The following SLC10A3 variants were observed in gnomAD, a reference collection of about 807,000 sequenced individuals.
The protein encoded by SLC10A3 is P3 protein.
Under a neutral mutation model 1.9 loss-of-function variants are expected in SLC10A3, and 1 was observed. That is an observed-to-expected ratio of 0.52 (90% CI 0.19 to 2.48). The LOEUF is 2.48. Ranked by LOEUF, SLC10A3 falls within the 30% of genes most tolerant of loss-of-function variation. The probability of loss-of-function intolerance (pLI) is 0.25; values close to 1 mark genes in which losing one functional copy is unlikely to be tolerated. For missense variants in SLC10A3, 317 were observed against 398.5 expected (o/e 0.80, Z 1.74); for synonymous variants, 202 against 189.3 (o/e 1.07, Z -0.55).
intron 1 of SLC10A3, chrX:154,489,548 C>T: frequency 1.3e-6 from 1 of 754,632 alleles, no homozygotes; most frequent in Non-Finnish European, 1.6e-6. Context: ...GGGCTCCTTC[C>T]CATGCCCACA....
At chrX:154,489,331 C>T (rs1295885967) in intron 1 of SLC10A3, 2 of 753,238 alleles carry the variant, frequency 2.7e-6, no homozygotes, top group Non-Finnish European at 1.6e-6. Context: ...ACTCTACCTG[C>T]CCCTACAGTG....
Position 154,488,303 on chromosome X carries a change from A to C in SLC10A3, c.638T>G (p.Leu213Arg). Residue 213 changes from leucine to arginine, a missense_variant, in exon 2 of 2, where the codon CTC (leucine) becomes CGC (arginine). Leu to Arg is a moderately radical substitution (Grantham distance 102). Transcript: ENST00000651600. ...CTGCATGAGCCCCTTCAGAACCTCG[A>C]GTTCCACTTTGCACCCAAACGAACA... ...NKCSFGCKVE[L>R]EVLKGLMQSP... The C allele has an allele frequency of 8.3e-7, 1 of 1,211,448 alleles. No individual in the cohort carries two copies. Among genetic ancestry groups the C allele is most frequent in the Non-Finnish European group, 1.1e-6 (1 of 895,422 alleles).
At chrX:154,489,946 G>A (rs2069362795) in intron 1 of SLC10A3, 2 of 1,072,762 alleles carry the variant, frequency 1.9e-6, no homozygotes, top group East Asian at 7.5e-5. Context: ...ACTTACCCTG[G>A]AGGCCTTGGT....
Position 154,488,761 on chromosome X carries a change from C to T in SLC10A3, c.180G>A (p.Pro60=), listed in dbSNP as rs1432251160. Reference sequence around the variant, plus strand: ...CAATGCTCAAGTAGCGGCCCCCAGTCGGTGGCACGGTGTGACCCCCAGCAG... The same window carrying T: ...CAATGCTCAAGTAGCGGCCCCCAGTTGGTGGCACGGTGTGACCCCCAGCAG... ...LSTAGGHTVP[P]TGGRYLSIGD... The change falls in exon 2 of 2, where the codon CCG becomes CCA. Residue 60 remains proline, a synonymous_variant. Coordinates refer to ENST00000651600, the MANE Select transcript of SLC10A3 (RefSeq NM_019848.5). 6 of 1,209,967 alleles carry T rather than the reference C, an allele frequency of 5.0e-6. No homozygotes were observed. Among genetic ancestry groups the T allele is most frequent in the East Asian group, 5.9e-5 (2 of 33,786 alleles).
chrX:154,489,936 A>C, intron 1 of SLC10A3: 1 of 1,070,159 alleles, frequency 9.3e-7, no homozygotes, highest in Non-Finnish European at 1.2e-6. Context: ...AGTTCGGGTC[A>C]CTTACCCTGG....
rs1557213497 is a variant in SLC10A3, at chrX:154,487,949, G to T, written c.992C>A (p.Ala331Asp). 1 of 1,211,308 alleles carries T rather than the reference G, an allele frequency of 8.3e-7. No individual in the cohort carries two copies. Among genetic ancestry groups the T allele is most frequent in the Non-Finnish European group, 1.1e-6 (1 of 895,242 alleles). ...SKILGTLLFI[A>D]IPIAVGVLIK... The stretch of plus-strand genomic sequence containing the variant: ...CAGCACGCCCACGGCTATGGGGATG[G>T]CAATGAACAGCAGGGTCCCCAGGAT... Residue 331 changes from alanine to aspartate, a missense_variant, in exon 2 of 2, where the codon GCC becomes GAC. Coordinates refer to ENST00000651600, the MANE Select transcript of SLC10A3 (RefSeq NM_019848.5).
Position 154,487,983 on chromosome X carries a change from T to C in SLC10A3, c.958A>G (p.Ile320Val), listed in dbSNP as rs782363021. 2 of 1,211,109 alleles carry C rather than the reference T, an allele frequency of 1.7e-6. No homozygotes were observed. The highest frequency in any genetic ancestry group is 4.3e-5 in the Admixed American group (2 of 46,044). Residue 320 changes from isoleucine (I) to valine (V), a missense_variant, in exon 2 of 2, where the codon ATC becomes GTC. By Grantham distance (29) the Ile-to-Val change is conservative. Coordinates refer to ENST00000651600, the MANE Select transcript of SLC10A3 (RefSeq NM_019848.5). Reference protein sequence around the residue: ...LSIHETLHVPISKILGTLLFI... With the variant: ...LSIHETLHVPVSKILGTLLFI... ...AGCAGGGTCCCCAGGATCTTGGAGA[T>C]GGGCACGTGGAGCGTCTCATGGATG...
rs2069367698 is a variant in SLC10A3, at chrX:154,490,360, T to C, written c.-196A>G. The C allele has an allele frequency of 2.1e-5, 16 of 761,267 alleles. No homozygotes were observed. The highest frequency in any genetic ancestry group is 2.3e-5 in the Non-Finnish European group (15 of 644,342). The allele number at this position is 761,267 out of a possible 1,213,427, so 62.7% of individuals were successfully genotyped here. ...GGCTAGCAGAGCTCGGGCGCGAACC[T>C]GGGAGGGAGGAAAGGAAGGGCACGC... is the stretch of plus-strand genomic sequence containing the variant. On this transcript the variant is annotated 5_prime_UTR_variant, in exon 1 of 2. Transcript: ENST00000651600.
At position 154,489,078 on chromosome X, in the gene SLC10A3, T is replaced by C; in HGVS notation, c.-138A>G. ...GTGCTGTCTTCCTTGATGGCAGGGC[T>C]GTCCCTGAGGAGGTAAGGGACACAG... is the stretch of plus-strand genomic sequence containing the variant. On this transcript the variant is annotated 5_prime_UTR_variant, in exon 2 of 2. Coordinates refer to ENST00000651600, the MANE Select transcript of SLC10A3 (RefSeq NM_019848.5). The C allele has an allele frequency of 8.6e-7, 1 of 1,164,762 alleles. No individual in the cohort carries two copies. Among genetic ancestry groups the C allele is most frequent in the Non-Finnish European group, 1.1e-6 (1 of 871,292 alleles).
In SLC10A3 at chrX:154,488,394, C is replaced by T. The variant is rs782131870; in HGVS notation, c.547G>A (p.Asp183Asn). The change falls in exon 2 of 2, where the codon GAC becomes AAC. Residue 183 changes from aspartate to asparagine, a missense_variant. Physicochemically the swap from Asp to Asn is conservative, Grantham distance 23. Transcript: ENST00000651600. ...AEDTPATLSADLAHFSENPIL... is the reference protein window; with the variant it reads ...AEDTPATLSANLAHFSENPIL... The stretch of plus-strand genomic sequence containing the variant: ...GGGTTTTCCGAGAAGTGGGCCAGGT[C>T]GGCGCTGAGGGTGGCAGGCGTGTCT... The T allele has an allele frequency of 1.9e-5, 23 of 1,209,834 alleles. No homozygotes were observed. Among genetic ancestry groups the T allele is most frequent in the Middle Eastern group, 2.3e-4 (1 of 4,373 alleles).
Position 154,489,021 on chromosome X carries a change from C to T in SLC10A3, c.-81G>A, listed in dbSNP as rs1320475740. The T allele has an allele frequency of 8.6e-7, 1 of 1,166,358 alleles. No homozygotes were observed. Among genetic ancestry groups the T allele is most frequent in the African/African-American group, 1.8e-5 (1 of 55,868 alleles). ...TCCCCACTGGTGCTGTTGGGTTGTCCTGAGAAGGGTTCATGGGTGGGTCCC... is the reference window on the plus strand; with the variant it reads ...TCCCCACTGGTGCTGTTGGGTTGTCTTGAGAAGGGTTCATGGGTGGGTCCC... On this transcript the variant is annotated 5_prime_UTR_variant, in exon 2 of 2. Transcript: ENST00000651600.
rs782137235 is a variant in SLC10A3 at position 154,489,086 on chromosome X, A to C, written c.-142-4T>G. On this transcript the variant is annotated splice_polypyrimidine_tract_variant and splice_region_variant and intron_variant, in intron 1 of 1. Transcript: ENST00000651600. Reference sequence around the variant, plus strand: ...TTCCTTGATGGCAGGGCTGTCCCTGAGGAGGTAAGGGACACAGAGAGGCAG... The same window carrying C: ...TTCCTTGATGGCAGGGCTGTCCCTGCGGAGGTAAGGGACACAGAGAGGCAG... The C allele has an allele frequency of 1.7e-5, 20 of 1,162,239 alleles. No individual in the cohort carries two copies. The African/African-American group carries it at 3.6e-4, about 21-fold the overall frequency.
chrX:154,489,439 G>T, intron 1 of SLC10A3: 1 of 753,499 alleles, frequency 1.3e-6, no homozygotes, highest in Non-Finnish European at 1.6e-6. Context: ...CATGTCTACT[G>T]GGGGGGTTTC....
rs2069344391 is a variant in SLC10A3, at chrX:154,488,718, C to T, written c.223G>A (p.Glu75Lys). 8.3e-7 allele frequency: 1 copy of T among 1,211,985 alleles called. No individual in the cohort carries two copies. Among genetic ancestry groups the T allele is most frequent in the Admixed American group, 2.2e-5 (1 of 46,118 alleles). ...YLSIGDGSVMEFEFPEDSEGI... is the reference protein window; with the variant it reads ...YLSIGDGSVMKFEFPEDSEGI... ...TCACTGTCCTCAGGAAACTCAAACT[C>T]CATCACAGAGCCATCTCCAATGCTC... The change falls in exon 2 of 2, where the codon GAG becomes AAG. Residue 75 changes from glutamate to lysine, a missense_variant. Glu to Lys is a moderately conservative substitution (Grantham distance 56, BLOSUM62 1). Coordinates refer to ENST00000651600, the MANE Select transcript of SLC10A3 (RefSeq NM_019848.5).
chrX:154,490,518 C>A lies in SLC10A3; in HGVS notation c.-354G>T, dbSNP rs1266480307. The A allele has an allele frequency of 8.8e-6, 2 of 226,406 alleles. No individual in the cohort carries two copies. Among genetic ancestry groups the A allele is most frequent in the Non-Finnish European group, 1.3e-5 (2 of 157,667 alleles). The allele number at this position is 226,406 out of a possible 1,213,427, so 18.7% of individuals were successfully genotyped here. A position where few individuals can be genotyped will look rare whatever the true frequency, so the allele number is the denominator to read the frequency against. On this transcript the variant is annotated 5_prime_UTR_variant, in exon 1 of 2. Coordinates refer to ENST00000651600, the MANE Select transcript of SLC10A3 (RefSeq NM_019848.5). ...GCGGCGGCGGCCCTTCCCTGCCAGG[C>A]CCGGCCGGGCGCCCGAGTGGGCGAT...
rs782338673 is a variant in SLC10A3, at chrX:154,488,065, C to T, written c.876G>A (p.Thr292=). The part of the protein sequence containing the change: ...TLAISMTFLS[T]VAATGFLPLS... ...GAGGCAAGAAGCCAGTGGCAGCCAC[C>T]GTAGAGAGGAAAGTCATGGAGATGG... is the stretch of plus-strand genomic sequence containing the variant. Residue 292 remains threonine (T), a synonymous_variant, in exon 2 of 2, where the codon ACG becomes ACA. Coordinates refer to ENST00000651600, the MANE Select transcript of SLC10A3 (RefSeq NM_019848.5). 3.9e-5 allele frequency: 47 copies of T among 1,209,524 alleles called. No homozygotes were observed. The highest frequency in any genetic ancestry group is 1.1e-4 in the Admixed American group (5 of 45,863).
Position 154,487,642 on chromosome X carries a change from C to T in SLC10A3, c.1299G>A (p.Leu433=). ...VQNSLLALAM[L]QLSLRRLQAD... ...CTTGAAGGCGGCGGAGGGATAGCTG[C>T]AGCATGGCCAAGGCCAGCAGGCTGT... Residue 433 remains leucine (L), a synonymous_variant, in exon 2 of 2, where the codon CTG becomes CTA. Transcript: ENST00000651600. 8.3e-7 allele frequency: 1 copy of T among 1,210,374 alleles called. No homozygotes were observed.
In SLC10A3 at chrX:154,490,335, G is replaced by A. The variant is rs1468768988; in HGVS notation, c.-171C>T. 1 of 771,413 alleles carries A rather than the reference G, an allele frequency of 1.3e-6. No homozygotes were observed. The highest frequency in any genetic ancestry group is 1.5e-6 in the Non-Finnish European group (1 of 651,518). 63.6% of individuals were successfully genotyped at this position (771,413 alleles called of 1,213,427 possible). ...GGAGTCCGGAAGTTGTCGGACGGGT[G>A]GCTAGCAGAGCTCGGGCGCGAACCT... is the stretch of plus-strand genomic sequence containing the variant. On this transcript the variant is annotated 5_prime_UTR_variant, in exon 1 of 2. Coordinates refer to ENST00000651600, the MANE Select transcript of SLC10A3 (RefSeq NM_019848.5).
At position 154,487,567 on chromosome X, in the gene SLC10A3, G is replaced by C; in HGVS notation, c.1374C>G (p.Ser458=). ...APFIVALSGT[S]EMLALVIGHF... ...GGCCAATGACCAAGGCCAGCATCTC[G>C]GAGGTGCCGCTCAGCGCCACAATGA... The change falls in exon 2 of 2, where the codon TCC becomes TCG. Residue 458 remains serine, a synonymous_variant. Coordinates refer to ENST00000651600, the MANE Select transcript of SLC10A3 (RefSeq NM_019848.5). 8.3e-7 allele frequency: 1 copy of C among 1,211,026 alleles called. No homozygotes were observed. The highest frequency in any genetic ancestry group is 1.1e-6 in the Non-Finnish European group (1 of 895,329).
Sources: allele counts gnomAD v4.1 joint callset, GRCh38; gene constraint gnomAD v4.1.1; transcripts MANE v1.5; gene names NCBI Gene and HGNC (gene_info 2026-07-23, HGNC 2026-07-21).